ZFAND3: variants seen among roughly 807,000 people sequenced by gnomAD.
ZFAND3 encodes AN1-type zinc finger protein 3.
In ZFAND3, 10 loss-of-function variants were observed where a neutral mutation model predicts 29.6. The ratio of observed to expected loss-of-function variants is 0.34; its 90% CI spans 0.21 to 0.57. The LOEUF (loss-of-function observed/expected upper bound fraction) is 0.57. ZFAND3 is among the 20% of genes least tolerant of loss of function. ZFAND3 has a pLI of 0.86. For missense variants in ZFAND3, 230 were observed against 304.5 expected (o/e 0.76, Z 1.82); for synonymous variants, 128 against 112.6 (o/e 1.14, Z -0.87).
At chr6:38,017,853 C>G (rs1171245372) in intron 2 of ZFAND3, among the ~76,000 whole-genome samples, 5 of 152,126 alleles carry the variant, frequency 3.3e-5, no homozygotes, top group African/African-American at 4.8e-5. Flanking sequence ...AAATAATATT[C>G]ATGTTATTCG....
chr6:38,051,120 A>C (rs944962101), intron 2 of ZFAND3, among the ~76,000 whole-genome samples: 23 of 152,152 alleles, frequency 1.5e-4, no homozygotes, highest in Non-Finnish European at 2.1e-4. Context: ...GAGCATACAT[A>C]GGTGGGCAAG....
chr6:37,965,485 C>T (rs1762276979), intron 2 of ZFAND3, among the ~76,000 whole-genome samples: 1 of 152,086 alleles, frequency 6.6e-6, no homozygotes, highest in African/African-American at 2.4e-5. Context: ...TTGACCCGGA[C>T]AGTATACAAG....
At chr6:37,952,622 C>T (rs1299222480) in intron 2 of ZFAND3, among the ~76,000 whole-genome samples, 3 of 152,092 alleles carry the variant, frequency 2.0e-5, no homozygotes, top group Non-Finnish European at 4.4e-5. Context: ...TCTGCCACTT[C>T]TCCATACAGC....
chr6:37,967,092 G>T (rs1194135103), intron 2 of ZFAND3, among the ~76,000 whole-genome samples: 3 of 152,156 alleles, frequency 2.0e-5, no homozygotes, highest in African/African-American at 7.2e-5. Flanking sequence ...GGTGATATCT[G>T]CTGGGCTTTA....
chr6:38,067,045 A>T (rs961734117), intron 3 of ZFAND3, among the ~76,000 whole-genome samples: 1 of 152,252 alleles, frequency 6.6e-6, no homozygotes, highest in Non-Finnish European at 1.5e-5. Context: ...TTTAAATGCG[A>T]TAGTAATGGT....
chr6:38,054,446 T>C (rs1038147543), intron 2 of ZFAND3, among the ~76,000 whole-genome samples: 1 of 151,320 alleles, frequency 6.6e-6, no homozygotes. Context: ...TGCAGTGTTA[T>C]TCAGTCTGTC....
intron 2 of ZFAND3, 64 bp downstream of exon 2, chr6:37,930,063 C>G (rs2273441): frequency 0.16 from 207,927 of 1,310,412 alleles, 16,890 homozygotes; most frequent in East Asian, 0.3. Context: ...TTTTTTGGTT[C>G]TTTTTAAGAC....
rs773106616 is a variant in ZFAND3, at chr6:38,125,548, A to G, written c.529+8809A>G. Among the ~76,000 whole-genome samples the G allele has an allele frequency of 3.3e-5, 5 of 152,284 alleles. No individual in the cohort carries two copies. In the East Asian group the frequency reaches 7.7e-4, roughly 24 times the overall value. ...TGTGTCACATCCCCACCCATCCCAT[A>G]CTGACAGGTATGGCAGAAGACCCTT... is the stretch of plus-strand genomic sequence containing the variant. On this transcript the variant is annotated intron_variant, in intron 5 of 5. Transcript: ENST00000287218.
At chr6:37,871,635 A>G (rs551159087) in intron 1 of ZFAND3, among the ~76,000 whole-genome samples, 1 of 152,366 alleles carries the variant, frequency 6.6e-6, no homozygotes, top group South Asian at 2.1e-4. Flanking sequence ...AGATACTAAC[A>G]TTAGAGAAAA....
At chr6:38,136,389 G>A (rs1372475522) in intron 5 of ZFAND3, among the ~76,000 whole-genome samples, 4 of 152,182 alleles carry the variant, frequency 2.6e-5, no homozygotes, top group African/African-American at 9.7e-5. Flanking sequence ...GTGGGTGACC[G>A]GAAGACAGAT....
chr6:38,144,211 A>ATATAATATATATATAT (rs70981524), intron 5 of ZFAND3, among the ~76,000 whole-genome samples: 2 of 45,854 alleles, frequency 4.4e-5, no homozygotes, highest in African/African-American at 1.2e-4. Flanking sequence ...ATATATATAT[A>ATATAATATATATATAT]ATATATAATA....
chr6:37,864,248 G>A (rs1193718328), intron 1 of ZFAND3, among the ~76,000 whole-genome samples: 1 of 152,106 alleles, frequency 6.6e-6, no homozygotes. Flanking sequence ...GCAGGTTTTT[G>A]CCAGGTTATG....
At chr6:37,884,624 A>G (rs1268311433) in intron 1 of ZFAND3, among the ~76,000 whole-genome samples, 2 of 144,716 alleles carry the variant, frequency 1.4e-5, no homozygotes, top group African/African-American at 5.6e-5. Context: ...ACTCTAGACC[A>G]AAAGGCCAAA....
intron 4 of ZFAND3, among the ~76,000 whole-genome samples, chr6:38,106,589 A>G (rs1353602671): frequency 1.3e-5 from 2 of 152,054 alleles, no homozygotes; most frequent in Non-Finnish European, 2.9e-5. Context: ...TCTCTCATCT[A>G]CTTCTTAAGC....
chr6:38,066,277 G>A (rs2127465238), intron 3 of ZFAND3, among the ~76,000 whole-genome samples: 1 of 152,306 alleles, frequency 6.6e-6, no homozygotes, highest in Non-Finnish European at 1.5e-5. Flanking sequence ...CCTAGTAGCA[G>A]TGAAGACCCA....
At chr6:37,945,009 T>C (rs891690164) in intron 2 of ZFAND3, among the ~76,000 whole-genome samples, 2 of 152,174 alleles carry the variant, frequency 1.3e-5, no homozygotes, top group East Asian at 1.9e-4. Context: ...TTCTCAACTT[T>C]AGTGCCACCC....
intron 4 of ZFAND3, among the ~76,000 whole-genome samples, chr6:38,106,841 T>C (rs982548115): frequency 6.6e-6 from 1 of 152,222 alleles, no homozygotes; most frequent in Admixed American, 6.5e-5. Context: ...GAATGAGATA[T>C]TGGCTGTTGT....
chr6:37,888,561 T>C (rs897932414), intron 1 of ZFAND3, among the ~76,000 whole-genome samples: 2 of 152,330 alleles, frequency 1.3e-5, no homozygotes, highest in Admixed American at 6.5e-5. Flanking sequence ...TTTCTTTTTT[T>C]CCACGGTGCT....
intron 2 of ZFAND3, among the ~76,000 whole-genome samples, chr6:37,977,267 A>T (rs1762496285): frequency 6.6e-6 from 1 of 152,148 alleles, no homozygotes; most frequent in Non-Finnish European, 1.5e-5. Flanking sequence ...TTCTCACATG[A>T]TTGTACTGGT....
Sources: allele counts gnomAD v4.1 joint callset (sites outside exome capture counted in the v4.1 genomes callset), GRCh38; gene constraint gnomAD v4.1.1; transcripts MANE v1.5; gene names NCBI Gene and HGNC (gene_info 2026-07-23, HGNC 2026-07-21).